The following COL4A6 variants were observed in gnomAD, a reference collection of about 807,000 sequenced individuals.
COL4A6 encodes the protein collagen alpha-6(IV) chain.
A neutral mutation model predicts 126.7 loss-of-function variants in COL4A6; 59 were observed. The observed-to-expected ratio is 0.47, with a 90% confidence interval of 0.38 to 0.58. COL4A6 has a LOEUF of 0.58. Ranked by LOEUF, COL4A6 falls within the 20% of genes least tolerant of loss-of-function variation. The pLI is 0.00. For synonymous variants in COL4A6, 547 were observed against 496.6 expected (o/e 1.10, Z -1.35); for missense variants, 1,285 against 1,337.3 (o/e 0.96, Z 0.61).
chrX:108,185,458 G>A (rs75532576), intron 23 of COL4A6, among the ~76,000 whole-genome samples: 9,256 of 108,855 alleles, frequency 0.085, 696 homozygotes, highest in African/African-American at 0.23. Flanking sequence ...ATATTGACTC[G>A]GTTTAAAGAA....
chrX:108,295,684 T>C (rs2038303049), intron 3 of COL4A6, among the ~76,000 whole-genome samples: 1 of 112,045 alleles, frequency 8.9e-6, no homozygotes, highest in African/African-American at 3.2e-5. Flanking sequence ...AAGTTGGTTA[T>C]TGCATATGGG....
chrX:108,422,629 G>T lies in COL4A6; in HGVS notation c.63+15313C>A, dbSNP rs774982929. ...ACTGCCACCAATCTGACTCTAAAACGCAATGTTTTAGGTCAAAAATCTTCT... is the reference window on the plus strand; with the variant it reads ...ACTGCCACCAATCTGACTCTAAAACTCAATGTTTTAGGTCAAAAATCTTCT... On this transcript the variant is annotated intron_variant, in intron 2 of 44. Transcript: ENST00000334504. Among the ~76,000 whole-genome samples the T allele has an allele frequency of 8.1e-5, 9 of 111,325 alleles. No homozygotes were observed. In the South Asian group the frequency reaches 2.7e-3, roughly 34 times the overall value.
chrX:108,422,169 A>C (rs1052127827), intron 2 of COL4A6, among the ~76,000 whole-genome samples: 14 of 111,182 alleles, frequency 1.3e-4, no homozygotes, highest in African/African-American at 4.6e-4. Context: ...TGAGCCCAGG[A>C]GTTCCCAGCT....
chrX:108,161,764 A>G, intron 41 of COL4A6, 29 bp from the exon 42 acceptor site: 1 of 1,045,803 alleles, frequency 9.6e-7, no homozygotes, highest in Non-Finnish European at 1.3e-6. Flanking sequence ...AAAGGAGGGT[A>G]CTCAATGTAG....
chrX:108,379,278 C>G (rs1306904693), intron 2 of COL4A6, among the ~76,000 whole-genome samples: 2 of 109,723 alleles, frequency 1.8e-5, no homozygotes, highest in African/African-American at 6.6e-5. Flanking sequence ...GAGACAGGAC[C>G]TCGCTCTGTT....
chrX:108,403,653 T>A (rs894616405), intron 2 of COL4A6, among the ~76,000 whole-genome samples: 6 of 111,489 alleles, frequency 5.4e-5, no homozygotes, highest in African/African-American at 2.0e-4. Context: ...GTAACTCATA[T>A]TTGTCTCTTT....
At chrX:108,317,963 A>G (rs1193064539) in intron 2 of COL4A6, among the ~76,000 whole-genome samples, 1 of 111,717 alleles carries the variant, frequency 9.0e-6, no homozygotes, top group African/African-American at 3.3e-5. Context: ...AATTCTGTGA[A>G]GAAAGTCATT....
chrX:108,275,821 G>A (rs1044074114), intron 3 of COL4A6, among the ~76,000 whole-genome samples: 3 of 113,000 alleles, frequency 2.7e-5, no homozygotes, highest in Admixed American at 9.3e-5. Flanking sequence ...GAAATCAATC[G>A]TGTGGGACTG....
intron 2 of COL4A6, among the ~76,000 whole-genome samples, chrX:108,415,042 C>G (rs937409325): frequency 9.0e-6 from 1 of 111,453 alleles, no homozygotes; most frequent in African/African-American, 3.3e-5. Flanking sequence ...CTCTTCTCTC[C>G]AACTAATTCC....
chrX:108,405,268 G>A (rs755785316), intron 2 of COL4A6, among the ~76,000 whole-genome samples: 2 of 108,577 alleles, frequency 1.8e-5, no homozygotes, highest in African/African-American at 3.4e-5. Context: ...GCATGATCTC[G>A]GCTCACTGCA....
At chrX:108,307,570 T>C (rs142559214) in intron 3 of COL4A6, among the ~76,000 whole-genome samples, 3,348 of 112,042 alleles carry the variant, frequency 0.03, 120 homozygotes, top group African/African-American at 0.1. Flanking sequence ...AAAGGAAAAG[T>C]ACACACTGCC....
At chrX:108,222,139 A>G (rs1006919825) in intron 3 of COL4A6, among the ~76,000 whole-genome samples, 1 of 112,559 alleles carries the variant, frequency 8.9e-6, no homozygotes, top group Non-Finnish European at 1.9e-5. Context: ...AATGTCTGTA[A>G]CAATTAAGTC....
chrX:108,362,092 A>T (rs948531938), intron 2 of COL4A6, among the ~76,000 whole-genome samples: 3 of 110,394 alleles, frequency 2.7e-5, no homozygotes, highest in African/African-American at 9.9e-5. Context: ...AGAGAGAGAA[A>T]GAGAGAGAGA....
intron 13 of COL4A6, among the ~76,000 whole-genome samples, chrX:108,200,138 C>G (rs369175835): frequency 2.0e-4 from 22 of 112,227 alleles, no homozygotes; most frequent in African/African-American, 6.1e-4. Flanking sequence ...TACTTTATAT[C>G]TGTACTGTCC....
intron 2 of COL4A6, among the ~76,000 whole-genome samples, chrX:108,421,386 A>G (rs2063980145): frequency 8.9e-6 from 1 of 112,209 alleles, no homozygotes; most frequent in Non-Finnish European, 1.9e-5. Flanking sequence ...AAGAGAGTGC[A>G]GAAGCTAAGG....
At chrX:108,352,824 T>C (rs890056659) in intron 2 of COL4A6, among the ~76,000 whole-genome samples, 19 of 112,204 alleles carry the variant, frequency 1.7e-4, no homozygotes, top group African/African-American at 5.5e-4. Context: ...GTCATTAGCA[T>C]TGAGCTATGT....
At chrX:108,417,310 G>A (rs2148259153) in intron 2 of COL4A6, among the ~76,000 whole-genome samples, 1 of 111,665 alleles carries the variant, frequency 9.0e-6, no homozygotes, top group Admixed American at 9.5e-5. Flanking sequence ...GTGGTGGTGA[G>A]GATGAAGTAA....
chrX:108,230,058 G>C (rs1193412397), intron 3 of COL4A6, among the ~76,000 whole-genome samples: 4 of 112,105 alleles, frequency 3.6e-5, no homozygotes, highest in Non-Finnish European at 7.5e-5. Flanking sequence ...GATGACATGA[G>C]AGAACTTAGA....
chrX:108,324,300 T>C (rs1398170058), intron 2 of COL4A6, among the ~76,000 whole-genome samples: 3 of 112,115 alleles, frequency 2.7e-5, no homozygotes, highest in Non-Finnish European at 3.8e-5. Context: ...GGTGAGTTCA[T>C]GTGTGTAGTT....
Sources: gnomAD v4.1 joint callset for allele counts (sites outside exome capture counted in the v4.1 genomes callset) on GRCh38, gnomAD v4.1.1 for gene constraint, MANE v1.5 for transcripts, NCBI Gene and HGNC (gene_info 2026-07-23, HGNC 2026-07-21) for gene names.